NLRC3: variants seen among roughly 807,000 people sequenced by gnomAD.
The protein encoded by NLRC3 is NLR family CARD domain-containing protein 3.
Under a neutral mutation model 91.6 loss-of-function variants are expected in NLRC3, and 87 were observed. The ratio of observed to expected loss-of-function variants is 0.95; its 90% CI spans 0.80 to 1.14. NLRC3 has a LOEUF of 1.14. NLRC3 is among the 50% of genes most tolerant of loss of function. NLRC3 has a pLI of 0.00. For missense variants in NLRC3, 1,577 were observed against 1,418.6 expected, an observed-to-expected ratio of 1.11 and a Z score of -1.79; for synonymous variants, 694 against 625.3, an observed-to-expected ratio of 1.11 and a Z score of -1.64.
chr16:3,549,055 G>T, intron 13 of NLRC3, 87 bp downstream of exon 13: 2 of 1,023,344 alleles, frequency 2.0e-6, no homozygotes, highest in Non-Finnish European at 3.0e-6. Flanking sequence ...ACCCTGTGAC[G>T]TGGCGAGGGT....
intron 11 of NLRC3, 24 bp from the exon 12 acceptor site, chr16:3,549,804 G>A: frequency 6.5e-7 from 1 of 1,533,574 alleles, no homozygotes; most frequent in East Asian, 2.5e-5. Context: ...AGGCGCCCTG[G>A]GTGTGGCTGT....
Position 3,564,470 on chromosome 16 carries a change from C to A in NLRC3, c.467G>T (p.Arg156Met). 2 of 1,612,582 alleles carry A rather than the reference C, an allele frequency of 1.2e-6. No homozygotes were observed. Among genetic ancestry groups the A allele is most frequent in the Non-Finnish European group, 1.7e-6 (2 of 1,179,872 alleles). Residue 156 changes from arginine to methionine, a missense_variant, in exon 5 of 20, where the codon AGG becomes ATG. Physicochemically the swap from Arg to Met is moderately conservative, Grantham distance 91 (BLOSUM62 -1). Transcript: ENST00000359128. The surrounding 1 kb of genome is among the most constrained non-coding windows in gnomAD (Gnocchi z 5.9). ...VAGMGKTTLV[R>M]HFVRLWAHGQ... Reference sequence around the variant, plus strand: ...ATGGGCCCAGAGGCGGACGAAGTGCCTCACCAGGGTGGTCTTGCCCATGCC... The same window carrying A: ...ATGGGCCCAGAGGCGGACGAAGTGCATCACCAGGGTGGTCTTGCCCATGCC...
intron 10 of NLRC3, among the ~76,000 whole-genome samples, chr16:3,551,643 C>CCATCCATCCA (rs2039011545): frequency 1.3e-5 from 2 of 151,582 alleles, no homozygotes; most frequent in Non-Finnish European, 2.9e-5. Flanking sequence ...ATTCAACCAT[C>CCATCCATCCA]CATCCATCCA....
intron 6 of NLRC3, among the ~76,000 whole-genome samples, chr16:3,558,112 C>T (rs1000222887): frequency 2.6e-5 from 4 of 152,124 alleles, no homozygotes; most frequent in African/African-American, 4.8e-5. Flanking sequence ...GAGGCCAAGG[C>T]GGGAGCATCA....
At chr16:3,542,347 G>A in intron 18 of NLRC3, 73 bp from the exon 19 acceptor site, 1 of 924,164 alleles carries the variant, frequency 1.1e-6, no homozygotes, top group Non-Finnish European at 1.7e-6. Flanking sequence ...AAGCAACAGT[G>A]CATTGTCTGG....
Position 3,563,287 on chromosome 16 carries a change from C to T in NLRC3, c.1650G>A (p.Leu550=), listed in dbSNP as rs1171967693. ...CGGCATCGGGGCGCAGGCAGCCCTG[C>T]AGGAGCTCAGCCACCTGGGTCCGGT... ...QAYRTQVAEL[L]QGCLRPDAAV... is the part of the protein sequence containing the mutation. Residue 550 remains leucine (L), a synonymous_variant, in exon 5 of 20, where the codon CTG becomes CTA. Coordinates refer to ENST00000359128, the MANE Select transcript of NLRC3 (RefSeq NM_178844.4). 1 of 1,603,178 alleles carries T rather than the reference C, an allele frequency of 6.2e-7. No homozygotes were observed.
Position 3,544,282 on chromosome 16 carries a change from C to G in NLRC3, c.2819G>C (p.Arg940Pro). The change falls in exon 16 of 20, where the codon CGT (arginine) becomes CCT (proline). Residue 940 changes from arginine (R) to proline (P), a missense_variant. By Grantham distance (103) the Arg-to-Pro change is moderately radical. Coordinates refer to ENST00000359128, the MANE Select transcript of NLRC3 (RefSeq NM_178844.4). ...GAGGGCTGTGTTGACCTTCAGTGCACGGGCCACCGCACACGCTCCGTCATC... is the reference window on the plus strand; with the variant it reads ...GAGGGCTGTGTTGACCTTCAGTGCAGGGGCCACCGCACACGCTCCGTCATC... ...IGDDGACAVA[R>P]ALKVNTALTA... The G allele has an allele frequency of 6.2e-7, 1 of 1,613,030 alleles. No homozygotes were observed. The highest frequency in any genetic ancestry group is 2.2e-5 in the East Asian group (1 of 44,874).
chr16:3,569,397 A>ATATATTTTTTTTTTT (rs2040013749), intron 1 of NLRC3, among the ~76,000 whole-genome samples: 4 of 41,058 alleles, frequency 9.7e-5, no homozygotes, highest in African/African-American at 5.0e-4. Context: ...TATATATATT[A>ATATATTTTTTTTTTT]TTTTTTTTTT....
intron 2 of NLRC3, among the ~76,000 whole-genome samples, chr16:3,566,635 G>T (rs1281339028): frequency 6.6e-6 from 1 of 151,116 alleles, no homozygotes; most frequent in East Asian, 1.9e-4. Context: ...TGAGGCAGGA[G>T]AATCACTTGA....
chr16:3,548,091 C>T, intron 15 of NLRC3, 44 bp downstream of exon 15: 1 of 1,365,822 alleles, frequency 7.3e-7, no homozygotes, highest in Non-Finnish European at 1.0e-6. Flanking sequence ...ATTCCCCTGT[C>T]CTCAACAGCC....
intron 19 of NLRC3, 48 bp downstream of exon 19, chr16:3,542,143 C>T (rs1222829340): frequency 7.5e-7 from 1 of 1,338,082 alleles, no homozygotes; most frequent in East Asian, 2.5e-5. Context: ...GGCAGTGCGC[C>T]ACCTGGAAGC....
chr16:3,575,631 T>C (rs555075818), intron 1 of NLRC3, among the ~76,000 whole-genome samples: 1 of 152,320 alleles, frequency 6.6e-6, no homozygotes, highest in African/African-American at 2.4e-5. Context: ...ACCTGAGGCC[T>C]TCCTGGTGTG....
chr16:3,556,226 A>C (rs1038413426), intron 8 of NLRC3, among the ~76,000 whole-genome samples: 1 of 142,944 alleles, frequency 7.0e-6, no homozygotes, highest in African/African-American at 2.5e-5. Flanking sequence ...AGCTACTTGG[A>C]AGGCTGAGGC....
rs1223160790 is a variant in NLRC3 at position 3,548,765 on chromosome 16, G to A, written c.2604-12C>T. 1 of 1,589,528 alleles carries A rather than the reference G, an allele frequency of 6.3e-7. No homozygotes were observed. Among genetic ancestry groups the A allele is most frequent in the Non-Finnish European group, 8.6e-7 (1 of 1,166,374 alleles). ...GGTTGGCTGTCAGGCTAGGAGGAAG[G>A]GAACAGGAGCAAGTGAGCCGGGGGC... On this transcript the variant is annotated splice_polypyrimidine_tract_variant and intron_variant, in intron 13 of 19. Transcript: ENST00000359128.
Position 3,563,177 on chromosome 16 carries a change from A to C in NLRC3, c.1760T>G (p.Met587Arg), listed in dbSNP as rs1262086490. Residue 587 changes from methionine to arginine, a missense_variant, in exon 5 of 20, where the codon ATG (methionine) becomes AGG (arginine). Transcript: ENST00000359128. The stretch of plus-strand genomic sequence containing the variant: ...CAGCCTGGCCAGGGCCCCGCTCTCC[A>C]TGGCCTCCTCCACGCTGCGGGCCAG... ...TELARSVEEA[M>R]ESGALARLTG... 2 of 1,593,638 alleles carry C rather than the reference A, an allele frequency of 1.3e-6. No homozygotes were observed. The highest frequency in any genetic ancestry group is 1.7e-6 in the Non-Finnish European group (2 of 1,172,416).
At chr16:3,556,523 T>C (rs2151093560) in intron 8 of NLRC3, among the ~76,000 whole-genome samples, 1 of 151,810 alleles carries the variant, frequency 6.6e-6, no homozygotes, top group East Asian at 1.9e-4. Context: ...TGCTTGCTTG[T>C]TGAGAGAGTT....
chr16:3,565,913 G>A (rs2039862716), intron 2 of NLRC3, among the ~76,000 whole-genome samples: 1 of 151,416 alleles, frequency 6.6e-6, no homozygotes. Flanking sequence ...TGGGGTGTGT[G>A]CCAGTAGTCC....
chr16:3,568,124 C>T (rs969998426), intron 1 of NLRC3, among the ~76,000 whole-genome samples: 1 of 152,072 alleles, frequency 6.6e-6, no homozygotes, highest in Non-Finnish European at 1.5e-5. Context: ...TCAGCCGAGC[C>T]TAGCATTTTA....
chr16:3,562,933 T>C (rs1389507698), intron 5 of NLRC3, 76 bp downstream of exon 5: 1 of 1,301,440 alleles, frequency 7.7e-7, no homozygotes, highest in South Asian at 1.3e-5. Context: ...CAGAGAAGCT[T>C]GGTGGTGGGG....
Sources: allele counts gnomAD v4.1 joint callset (sites outside exome capture counted in the v4.1 genomes callset), GRCh38; gene constraint gnomAD v4.1.1; non-coding constraint Gnocchi (gnomAD v3.1); transcripts MANE v1.5; gene names NCBI Gene and HGNC (gene_info 2026-07-23, HGNC 2026-07-21).